The following BTD variants were observed in gnomAD, a reference collection of about 807,000 sequenced individuals.
BTD encodes biocytinase.
In BTD, 13 loss-of-function variants were observed where a neutral mutation model predicts 17.7. The observed-to-expected ratio is 0.74, with a 90% CI of 0.48 to 1.17. BTD has a LOEUF of 1.17. Among genes scored for constraint, BTD ranks in the 50% most tolerant of loss-of-function variants. The pLI is 0.00. For missense variants in BTD, 674 were observed against 650.4 expected, an observed-to-expected ratio of 1.04 and a Z score of -0.39; for synonymous variants, 240 against 245.2, an observed-to-expected ratio of 0.98 and a Z score of 0.20.
At chr3:15,657,548 A>C (rs773651636), downstream of BTD, among the ~76,000 whole-genome samples, 1 of 152,270 alleles carries the variant, frequency 6.6e-6, no homozygotes, top group Non-Finnish European at 1.5e-5. Context: ...ATGGGAAATT[A>C]ATGAGCTAAT....
chr3:15,714,887 A>G (rs2072817073), downstream of BTD, among the ~76,000 whole-genome samples: 1 of 152,192 alleles, frequency 6.6e-6, no homozygotes, highest in South Asian at 2.1e-4. Context: ...ATTTATAAAA[A>G]TTGGGAGTGG....
intron 3 of BTD, chr3:15,668,767 C>G (rs980765267): frequency 1.3e-5 from 2 of 152,582 alleles, no homozygotes; most frequent in African/African-American, 2.4e-5. Flanking sequence ...GATCAAAATA[C>G]TGTTCTGTGT....
intron 1 of BTD, among the ~76,000 whole-genome samples, chr3:15,608,663 G>T (rs558195971): frequency 9.7e-4 from 148 of 152,176 alleles, no homozygotes; most frequent in Non-Finnish European, 1.8e-3. Flanking sequence ...CTACCGGGGA[G>T]GCTGAGGCAG....
chr3:15,703,670 G>T, intron 3 of BTD, among the ~76,000 whole-genome samples: 1 of 152,114 alleles, frequency 6.6e-6, no homozygotes, highest in East Asian at 1.9e-4. Context: ...TTGGTATTTT[G>T]TTATACCAGT....
exon 4 of BTD, chr3:15,711,424 A>G (rs892833900): frequency 3.3e-5 from 20 of 605,400 alleles, no homozygotes; most frequent in Non-Finnish European, 5.6e-5. Context: ...AAAAGGCAAT[A>G]GGATACAATG....
intron 3 of BTD, among the ~76,000 whole-genome samples, chr3:15,692,730 A>G (rs2068973236): frequency 6.6e-6 from 1 of 152,232 alleles, no homozygotes; most frequent in African/African-American, 2.4e-5. Flanking sequence ...ATGAAATGCA[A>G]AAGTGGTGGT....
intron 3 of BTD, chr3:15,642,332 A>G: frequency 1.4e-5 from 18 of 1,281,470 alleles, no homozygotes; most frequent in Non-Finnish European, 1.9e-5. Context: ...AAAAAAAGAA[A>G]AGTTCATCTT....
In BTD at chr3:15,625,986, A is replaced by C. The variant is rs190795414; in HGVS notation, c.-16-9438A>C. Among the ~76,000 whole-genome samples, 46 of 152,180 alleles carry C rather than the reference A, an allele frequency of 3.0e-4. 1 individual carries two copies. Among genetic ancestry groups the C allele is most frequent in the Admixed American group, 1.0e-3 (16 of 15,286 alleles). ...TGTTGTCTTGATGTTTATTTTTTGCATGTACATTTTAATTTGTCAATCTGT... is the reference window on the plus strand; with the variant it reads ...TGTTGTCTTGATGTTTATTTTTTGCCTGTACATTTTAATTTGTCAATCTGT... On this transcript the variant is annotated intron_variant, in intron 1 of 3. Transcript: ENST00000643237.
At chr3:15,696,532 T>C (rs1214320736) in intron 3 of BTD, among the ~76,000 whole-genome samples, 1 of 152,116 alleles carries the variant, frequency 6.6e-6, no homozygotes, top group African/African-American at 2.4e-5. Context: ...ACAGTCTCTA[T>C]CTATACCACC....
At chr3:15,621,783 A>G (rs1478847424) in intron 1 of BTD, among the ~76,000 whole-genome samples, 2 of 152,038 alleles carry the variant, frequency 1.3e-5, no homozygotes, top group African/African-American at 2.4e-5. Context: ...TATTTTTAGT[A>G]GAGATGGGGT....
At position 15,642,024 on chromosome 3, in the gene BTD, A is replaced by G; in HGVS notation, c.366A>G (p.Pro122=). The G allele has an allele frequency of 6.2e-7, 1 of 1,614,176 alleles. No homozygotes were observed. Among genetic ancestry groups the G allele is most frequent in the South Asian group, 1.1e-5 (1 of 91,080 alleles). Residue 122 remains proline, a synonymous_variant, in exon 3 of 4, where the codon CCA becomes CCG. Transcript: ENST00000643237. The stretch of plus-strand genomic sequence containing the variant: ...CTCCCCAGGTGGTCAGGTGGAACCC[A>G]TGCCTGGAGCCTCACCGCTTCAATG... The part of the protein sequence containing the change: ...MPSPQVVRWN[P]CLEPHRFNDT...
intron 3 of BTD, among the ~76,000 whole-genome samples, chr3:15,706,172 C>T (rs915067282): frequency 2.2e-4 from 33 of 151,868 alleles, no homozygotes; most frequent in Admixed American, 9.2e-4. Flanking sequence ...ACATGTGCCA[C>T]GTTGGTGTGC....
chr3:15,710,534 T>C (rs2126054477), exon 4 of BTD, among the ~76,000 whole-genome samples: 1 of 152,322 alleles, frequency 6.6e-6, no homozygotes, highest in South Asian at 2.1e-4. Context: ...AACGTACTCG[T>C]CCTCTGAAAT....
In BTD at chr3:15,635,496, C is replaced by T. The variant is rs755628324; in HGVS notation, c.57C>T (p.Ala19=). ...TCCTCTGCGGCTGTTACGTGGTTGC[C>T]CTGGGAGCCCACACCGGGGAGGAGA... ...ALFLCGCYVV[A]LGAHTGEESV... is the part of the protein sequence containing the mutation. The change falls in exon 2 of 4, where the codon GCC becomes GCT. Residue 19 remains alanine (A), a synonymous_variant. Transcript: ENST00000643237. The surrounding 1 kb of genome is among the most constrained non-coding windows in gnomAD (Gnocchi z 4.1). 1 of 1,614,186 alleles carries T rather than the reference C, an allele frequency of 6.2e-7. No homozygotes were observed. Among genetic ancestry groups the T allele is most frequent in the South Asian group, 1.1e-5 (1 of 91,082 alleles).
At chr3:15,700,400 C>T (rs2070386078) in intron 3 of BTD, among the ~76,000 whole-genome samples, 1 of 151,972 alleles carries the variant, frequency 6.6e-6, no homozygotes, top group South Asian at 2.1e-4. Flanking sequence ...CACATGTATA[C>T]CTATCTAACA....
At chr3:15,624,324 A>G (rs966703146) in intron 1 of BTD, among the ~76,000 whole-genome samples, 1 of 151,796 alleles carries the variant, frequency 6.6e-6, no homozygotes, top group Non-Finnish European at 1.5e-5. Flanking sequence ...TATTGCTTCT[A>G]TTCTTTCTCC....
intron 3 of BTD, among the ~76,000 whole-genome samples, chr3:15,662,002 C>T (rs2065929856): frequency 6.6e-6 from 1 of 152,190 alleles, no homozygotes; most frequent in African/African-American, 2.4e-5. Flanking sequence ...TTGACCAATA[C>T]CACACTGTCT....
intron 3 of BTD, chr3:15,694,718 G>T (rs373860252): frequency 5.6e-6 from 9 of 1,603,980 alleles, no homozygotes; most frequent in Non-Finnish European, 7.7e-6. Flanking sequence ...CCATCAAGTC[G>T]GCTATGAAGG....
chr3:15,631,560 A>G (rs2065205748), intron 1 of BTD: 3 of 1,340,276 alleles, frequency 2.2e-6, no homozygotes, highest in East Asian at 2.5e-5. Context: ...TTTACATGAA[A>G]TAGATTTCCA....
Sources: gnomAD v4.1 joint callset for allele counts (sites outside exome capture counted in the v4.1 genomes callset) on GRCh38, gnomAD v4.1.1 for gene constraint, Gnocchi (gnomAD v3.1) non-coding constraint, MANE v1.5 for transcripts, NCBI Gene and HGNC (gene_info 2026-07-23, HGNC 2026-07-21) for gene names.